Variants in UNC13C observed in about 807,000 individuals in gnomAD.
UNC13C encodes protein unc-13 homolog C.
A neutral mutation model predicts 245.4 loss-of-function variants in UNC13C; 174 were observed. That is an observed-to-expected ratio of 0.71 (90% CI 0.63 to 0.80). The LOEUF is 0.80. UNC13C is among the 30% of genes least tolerant of loss of function. The probability of loss-of-function intolerance (pLI) is 0.00; values close to 1 mark genes in which losing one functional copy is unlikely to be tolerated. For synonymous variants in UNC13C, 992 were observed against 895.1 expected, an observed-to-expected ratio of 1.11 and a Z score of -1.93; for missense variants, 2,829 against 2,602.9, an observed-to-expected ratio of 1.09 and a Z score of -1.89.
At chr15:53,970,782 G>A in the UNC13C span, among the ~76,000 whole-genome samples, 1 of 152,106 alleles carries the variant, frequency 6.6e-6, no homozygotes, top group Non-Finnish European at 1.5e-5. Flanking sequence ...CATGGCACAT[G>A]TTGACCTATA....
At chr15:54,022,704 C>G (rs560739265) in intron 2 of UNC13C, among the ~76,000 whole-genome samples, 2 of 152,268 alleles carry the variant, frequency 1.3e-5, no homozygotes, top group African/African-American at 4.8e-5. Flanking sequence ...CATGGATCGT[C>G]TCATCTTTCT....
the UNC13C span, among the ~76,000 whole-genome samples, chr15:53,907,515 A>G: frequency 1.3e-5 from 2 of 152,186 alleles, no homozygotes; most frequent in African/African-American, 4.8e-5. Context: ...TGCCCCAGGA[A>G]TTGAGTATTC....
intron 1 of UNC13C, among the ~76,000 whole-genome samples, chr15:53,979,531 G>T (rs73412841): frequency 0.042 from 6,351 of 152,218 alleles, 351 homozygotes; most frequent in African/African-American, 0.13. Context: ...GCTCAAGGAG[G>T]CAGTCTAAAA....
chr15:53,910,612 G>A, the UNC13C span, among the ~76,000 whole-genome samples: 1 of 145,522 alleles, frequency 6.9e-6, no homozygotes, highest in African/African-American at 2.4e-5. Flanking sequence ...GATACAGCTC[G>A]GCTTGATCGT....
chr15:53,985,337 T>G (rs1409152749), intron 1 of UNC13C, among the ~76,000 whole-genome samples: 1 of 151,922 alleles, frequency 6.6e-6, no homozygotes. Flanking sequence ...TTTCTTTTTT[T>G]TTTTCTTGGT....
At chr15:54,618,148 T>C (rs533418261) in intron 30 of UNC13C, among the ~76,000 whole-genome samples, 1 of 152,230 alleles carries the variant, frequency 6.6e-6, no homozygotes, top group African/African-American at 2.4e-5. Context: ...TCCAGTAAGG[T>C]GCTTATTAAT....
At chr15:54,297,536 T>G (rs947802796) in intron 11 of UNC13C, among the ~76,000 whole-genome samples, 1 of 151,544 alleles carries the variant, frequency 6.6e-6, no homozygotes, top group Non-Finnish European at 1.5e-5. Context: ...AAAAAAAATG[T>G]AGAGACTAGA....
Position 54,523,230 on chromosome 15 carries a change from T to A in UNC13C, c.5458-2319T>A, listed in dbSNP as rs182918450. On this transcript the variant is annotated intron_variant, in intron 24 of 32. Transcript: ENST00000260323. ...TTGCTACCTAAAGAGATTGTTTTAT[T>A]ATTAGATGAGTATGATAATTATGTC... 2.8e-3 allele frequency among the ~76,000 whole-genome samples: 422 copies of A among 152,296 alleles called. 1 individual carries two copies. The highest frequency in any genetic ancestry group is 9.7e-3 in the African/African-American group (401 of 41,554).
chr15:54,200,346 C>T (rs1338890257), intron 4 of UNC13C, among the ~76,000 whole-genome samples: 3 of 152,020 alleles, frequency 2.0e-5, no homozygotes, highest in African/African-American at 7.2e-5. Context: ...TAGATACTTG[C>T]AGAACTTTCT....
chr15:54,474,967 C>T (rs1892647871), intron 19 of UNC13C, among the ~76,000 whole-genome samples: 7 of 151,868 alleles, frequency 4.6e-5, no homozygotes, highest in Admixed American at 4.6e-4. Context: ...TCACTGAATC[C>T]CACAAGAAGG....
intron 30 of UNC13C, among the ~76,000 whole-genome samples, chr15:54,587,119 G>A (rs764720948): frequency 6.6e-6 from 1 of 151,844 alleles, no homozygotes; most frequent in Non-Finnish European, 1.5e-5. Context: ...TTATTAATTA[G>A]GTTTCAACTT....
chr15:54,161,914 C>T (rs1340285846), intron 4 of UNC13C, among the ~76,000 whole-genome samples: 1 of 151,876 alleles, frequency 6.6e-6, no homozygotes, highest in Non-Finnish European at 1.5e-5. Context: ...CGCCACTGCA[C>T]CCCAGTCTGG....
intron 31 of UNC13C, among the ~76,000 whole-genome samples, chr15:54,622,625 A>G (rs1443509503): frequency 6.6e-6 from 1 of 151,434 alleles, no homozygotes; most frequent in Non-Finnish European, 1.5e-5. Flanking sequence ...TTCAAAATAT[A>G]TAAATACACT....
At chr15:54,032,197 C>T (rs1335767577) in intron 2 of UNC13C, among the ~76,000 whole-genome samples, 1 of 152,134 alleles carries the variant, frequency 6.6e-6, no homozygotes, top group Non-Finnish European at 1.5e-5. Context: ...TAATTTGATT[C>T]AATTGGTAGC....
chr15:54,401,131 G>A (rs1464225963), intron 18 of UNC13C, among the ~76,000 whole-genome samples: 1 of 152,024 alleles, frequency 6.6e-6, no homozygotes, highest in East Asian at 1.9e-4. Flanking sequence ...GGAAAGATAA[G>A]GTAAATATTT....
intron 14 of UNC13C, among the ~76,000 whole-genome samples, chr15:54,322,676 G>GA (rs543430571): frequency 1.8e-3 from 269 of 152,132 alleles, no homozygotes; most frequent in Non-Finnish European, 2.9e-3. Context: ...GGAGCCCCAA[G>GA]AATTCGTCTG....
chr15:54,622,129 A>G (rs1292449584), intron 30 of UNC13C, among the ~76,000 whole-genome samples, 198 bp from the exon 31 acceptor site: 1 of 152,236 alleles, frequency 6.6e-6, no homozygotes, highest in Non-Finnish European at 1.5e-5. Flanking sequence ...TTTTAGTTCA[A>G]TGGGGTAATT....
intron 30 of UNC13C, among the ~76,000 whole-genome samples, chr15:54,572,893 AT>A (rs1253217301): frequency 6.6e-6 from 1 of 152,060 alleles, no homozygotes. Context: ...TACTTTTCTT[AT>A]TCTCATATAA....
intron 4 of UNC13C, among the ~76,000 whole-genome samples, chr15:54,218,229 C>T (rs1465097731): frequency 6.6e-6 from 1 of 151,986 alleles, no homozygotes. Flanking sequence ...TCAACCCACA[C>T]ATGTGCTGGC....
Sources: gnomAD v4.1 joint callset for allele counts (sites outside exome capture counted in the v4.1 genomes callset) on GRCh38, gnomAD v4.1.1 for gene constraint, MANE v1.5 for transcripts, NCBI Gene and HGNC (gene_info 2026-07-23, HGNC 2026-07-21) for gene names.